The following ABCC4 variants were observed in gnomAD, a reference collection of about 807,000 sequenced individuals.
ABCC4 encodes the protein ATP-binding cassette sub-family C member 4.
ABCC4 carries 102 observed loss-of-function variants against 168.5 expected under a neutral mutation model. That is an observed-to-expected ratio of 0.61 (90% CI 0.52 to 0.71). ABCC4 has a LOEUF of 0.71. Ranked by LOEUF, ABCC4 falls within the 30% of genes least tolerant of loss-of-function variation. The pLI is 0.00. For missense variants in ABCC4, 1,402 were observed against 1,605.8 expected (o/e 0.87, Z 2.17); for synonymous variants, 617 against 590.7 (o/e 1.04, Z -0.65).
At chr13:95,170,498 T>C (rs753697762) in intron 14 of ABCC4, 34 bp downstream of exon 14, 1 of 1,406,088 alleles carries the variant, frequency 7.1e-7, no homozygotes, top group Admixed American at 1.8e-5. Context: ...ACCCAAGTAC[T>C]TGCAAGTTCG....
chr13:95,248,350 C>T (rs1342049457), intron 1 of ABCC4, among the ~76,000 whole-genome samples: 2 of 152,090 alleles, frequency 1.3e-5, no homozygotes, highest in Non-Finnish European at 2.9e-5. Flanking sequence ...AAAACATTTT[C>T]AATGGGAGCT....
intron 1 of ABCC4, among the ~76,000 whole-genome samples, chr13:95,292,781 C>G (rs1422257337): frequency 6.6e-6 from 1 of 152,034 alleles, no homozygotes; most frequent in Non-Finnish European, 1.5e-5. Context: ...GGAGCTAGCG[C>G]AGAGAAAAGA....
At chr13:95,064,677 T>A (rs1401990741) in intron 25 of ABCC4, among the ~76,000 whole-genome samples, 1 of 152,040 alleles carries the variant, frequency 6.6e-6, no homozygotes, top group Non-Finnish European at 1.5e-5. Flanking sequence ...TAGGCCATTA[T>A]TAGTAGATGG....
intron 1 of ABCC4, among the ~76,000 whole-genome samples, chr13:95,265,793 C>A (rs2040653068): frequency 6.6e-6 from 1 of 152,100 alleles, no homozygotes; most frequent in Non-Finnish European, 1.5e-5. Context: ...GAAGGAGAGG[C>A]AAGTGCATGG....
At chr13:95,064,295 T>TACAC (rs1188904783) in intron 25 of ABCC4, among the ~76,000 whole-genome samples, 2 of 92,128 alleles carry the variant, frequency 2.2e-5, no homozygotes, top group South Asian at 2.8e-4. Context: ...TATATATATA[T>TACAC]ATACACACAC....
At chr13:95,158,917 A>G (rs1310053375) in intron 19 of ABCC4, among the ~76,000 whole-genome samples, 1 of 151,398 alleles carries the variant, frequency 6.6e-6, no homozygotes, top group African/African-American at 2.4e-5. Context: ...AAAATAGAAT[A>G]AAATAAATTT....
At chr13:95,156,934 A>T (rs2036881062) in intron 19 of ABCC4, among the ~76,000 whole-genome samples, 1 of 152,126 alleles carries the variant, frequency 6.6e-6, no homozygotes, top group Non-Finnish European at 1.5e-5. Context: ...CTCTACTAAA[A>T]ATACAAAAAT....
At chr13:95,177,933 G>T in intron 12 of ABCC4, 64 bp downstream of exon 12, 1 of 1,557,862 alleles carries the variant, frequency 6.4e-7, no homozygotes, top group Non-Finnish European at 8.9e-7. Context: ...CAGGTCCTAT[G>T]TGCTCACCAC....
intron 3 of ABCC4, among the ~76,000 whole-genome samples, chr13:95,245,493 T>G (rs910811039): frequency 1.3e-5 from 2 of 152,190 alleles, no homozygotes; most frequent in African/African-American, 4.8e-5. Context: ...ATCGGGGCCA[T>G]GTGGAAACAC....
At chr13:95,182,157 A>G (rs976407508) in intron 11 of ABCC4, among the ~76,000 whole-genome samples, 5 of 152,222 alleles carry the variant, frequency 3.3e-5, no homozygotes, top group Non-Finnish European at 5.9e-5. Context: ...GATTAACAAC[A>G]ACAACAAAAA....
At chr13:95,262,168 C>G (rs2040549484) in intron 1 of ABCC4, among the ~76,000 whole-genome samples, 1 of 152,208 alleles carries the variant, frequency 6.6e-6, no homozygotes. Flanking sequence ...GCCCCGCACA[C>G]CAGGTCCCAG....
intron 1 of ABCC4, among the ~76,000 whole-genome samples, chr13:95,277,510 G>A (rs919332725): frequency 4.0e-5 from 6 of 151,586 alleles, no homozygotes; most frequent in African/African-American, 1.5e-4. Context: ...GAACCCAGGA[G>A]GTGGAGGTTG....
At chr13:95,260,704 G>A (rs946418463) in intron 1 of ABCC4, among the ~76,000 whole-genome samples, 3 of 152,004 alleles carry the variant, frequency 2.0e-5, no homozygotes, top group Non-Finnish European at 2.9e-5. Flanking sequence ...GTGATAATGG[G>A]GTAATCAAAG....
intron 21 of ABCC4, chr13:95,075,759 A>C: frequency 3.9e-6 from 2 of 509,660 alleles, no homozygotes; most frequent in Admixed American, 3.6e-5. Flanking sequence ...CACCTCACAT[A>C]AGGGGCCTGG....
intron 1 of ABCC4, among the ~76,000 whole-genome samples, chr13:95,252,502 C>A (rs1014114070): frequency 7.9e-5 from 12 of 151,974 alleles, no homozygotes; most frequent in Non-Finnish European, 1.8e-4. Context: ...ATGGTGAAAA[C>A]CCATCTCTAC....
intron 29 of ABCC4, among the ~76,000 whole-genome samples, chr13:95,038,201 G>A (rs907793382): frequency 2.0e-5 from 3 of 152,030 alleles, no homozygotes; most frequent in African/African-American, 7.2e-5. Flanking sequence ...TAATGAGCAA[G>A]TGACACTCTG....
chr13:95,091,235 C>T lies in ABCC4; in HGVS notation c.2536-7945G>A, dbSNP rs537756354. Among the ~76,000 whole-genome samples, 9 of 152,240 alleles carry T rather than the reference C, an allele frequency of 5.9e-5. No homozygotes were observed. In the South Asian group the frequency reaches 1.7e-3, roughly 28 times the overall value. ...TGGAAAACATATTTGGGCAAATAAT[C>T]GAGGAAAACTTCTTCAGCCTTGCTA... On this transcript the variant is annotated intron_variant, in intron 20 of 30. Coordinates refer to ENST00000645237, the MANE Select transcript of ABCC4 (RefSeq NM_005845.5).
At chr13:95,287,035 A>G (rs946078086) in intron 1 of ABCC4, among the ~76,000 whole-genome samples, 1 of 152,022 alleles carries the variant, frequency 6.6e-6, no homozygotes, top group Non-Finnish European at 1.5e-5. Context: ...ACGATGGCTC[A>G]CGCCTGTAAC....
At chr13:95,133,165 G>C (rs906298484) in intron 19 of ABCC4, among the ~76,000 whole-genome samples, 2 of 141,052 alleles carry the variant, frequency 1.4e-5, no homozygotes, top group Admixed American at 7.4e-5. Flanking sequence ...CCAGGCTGGA[G>C]TGCAGGGGCA....
Sources: gnomAD v4.1 joint callset for allele counts (sites outside exome capture counted in the v4.1 genomes callset) on GRCh38, gnomAD v4.1.1 for gene constraint, MANE v1.5 for transcripts, NCBI Gene and HGNC (gene_info 2026-07-23, HGNC 2026-07-21) for gene names.